PTPN1: variants seen among roughly 807,000 people sequenced by gnomAD.
PTPN1 encodes the protein tyrosine-protein phosphatase non-receptor type 1.
A neutral mutation model predicts 59.9 loss-of-function variants in PTPN1; 12 were observed. The ratio of observed to expected loss-of-function variants is 0.20; its 90% CI spans 0.13 to 0.32. The LOEUF is 0.32. PTPN1 is among the 10% of genes least tolerant of loss of function. PTPN1 has a pLI of 1.00. For missense variants in PTPN1, 356 were observed against 549.2 expected (o/e 0.65, Z 3.52); for synonymous variants, 178 against 203.6 (o/e 0.87, Z 1.07).
intron 1 of PTPN1, among the ~76,000 whole-genome samples, chr20:50,551,998 A>G (rs895887832): frequency 6.6e-6 from 1 of 152,258 alleles, no homozygotes; most frequent in Non-Finnish European, 1.5e-5. Context: ...GCATAATAAA[A>G]GATCTTCTAG....
chr20:50,547,211 T>C (rs1454573234), intron 1 of PTPN1, among the ~76,000 whole-genome samples: 2 of 152,152 alleles, frequency 1.3e-5, no homozygotes, highest in Non-Finnish European at 2.9e-5. Flanking sequence ...AGATTTAAAG[T>C]CGGGACACTT....
At chr20:50,542,572 G>T (rs1237594110) in intron 1 of PTPN1, among the ~76,000 whole-genome samples, 1 of 152,120 alleles carries the variant, frequency 6.6e-6, no homozygotes, top group Non-Finnish European at 1.5e-5. Context: ...GTCTTTAAAG[G>T]ATATTATCTC....
chr20:50,511,131 C>T (rs973101917), intron 1 of PTPN1, among the ~76,000 whole-genome samples: 1 of 152,180 alleles, frequency 6.6e-6, no homozygotes, highest in Admixed American at 6.5e-5. Context: ...AGTTGGCAAG[C>T]TTATTCTGTG....
intron 1 of PTPN1, among the ~76,000 whole-genome samples, chr20:50,537,497 A>G (rs1459945790): frequency 6.6e-6 from 1 of 152,126 alleles, no homozygotes; most frequent in East Asian, 1.9e-4. Flanking sequence ...ATATTTCCCC[A>G]GTGTTACTCG....
In PTPN1 at chr20:50,510,460, G is replaced by T; in HGVS notation, c.-68G>T. The T allele has an allele frequency of 6.6e-7, 1 of 1,520,372 alleles. No homozygotes were observed. The highest frequency in any genetic ancestry group is 8.9e-7 in the Non-Finnish European group (1 of 1,126,396). The allele number at this position is 1,520,372 out of a possible 1,614,324, so 94.2% of individuals were successfully genotyped here. A position where few individuals can be genotyped will look rare whatever the true frequency, so the allele number is the denominator to read the frequency against. ...CAGCGGGCCTCGGGGCTAAGAGCGC[G>T]ACGCGGCCTAGAGCGGCAGACGGCG... On this transcript the variant is annotated 5_prime_UTR_variant, in exon 1 of 10. Transcript: ENST00000371621.
At position 50,569,511 on chromosome 20, in the gene PTPN1, C is replaced by CCTGTGTAGACTGTCCTGTGTAGATTGT. The variant is rs1183810308; in HGVS notation, c.354+1084_354+1110dup. ...GCAGCCGGCCTCCTGTGTAGACTGT[C>CCTGTGTAGACTGTCCTGTGTAGATTGT]CTGTGTAGACTGTCCTGTGTAGATT... is the stretch of plus-strand genomic sequence containing the variant. On this transcript the variant is annotated intron_variant, in intron 4 of 9. Transcript: ENST00000371621. Among the ~76,000 whole-genome samples the CCTGTGTAGACTGTCCTGTGTAGATTGT allele has an allele frequency of 5.6e-3, 840 of 149,766 alleles. 29 individuals carry two copies. Among genetic ancestry groups the CCTGTGTAGACTGTCCTGTGTAGATTGT allele is most frequent in the Middle Eastern group, 0.017 (5 of 286 alleles).
At chr20:50,516,792 A>T (rs1255252652) in intron 1 of PTPN1, among the ~76,000 whole-genome samples, 1 of 152,196 alleles carries the variant, frequency 6.6e-6, no homozygotes, top group Non-Finnish European at 1.5e-5. Context: ...GATTCTTGAG[A>T]ATTTACGAAA....
At chr20:50,520,184 C>G (rs2082544911) in intron 1 of PTPN1, among the ~76,000 whole-genome samples, 1 of 151,968 alleles carries the variant, frequency 6.6e-6, no homozygotes, top group Non-Finnish European at 1.5e-5. Flanking sequence ...CCAGCCTGAC[C>G]AACATGGTGA....
At chr20:50,526,762 A>G (rs1419484218) in intron 1 of PTPN1, among the ~76,000 whole-genome samples, 1 of 151,804 alleles carries the variant, frequency 6.6e-6, no homozygotes, top group Admixed American at 6.6e-5. Flanking sequence ...CTCCTTATGC[A>G]TCTGAGACTG....
chr20:50,579,901 A>C lies in PTPN1; in HGVS notation c.1063A>C (p.Asn355His), dbSNP rs751365357. The C allele has an allele frequency of 1.9e-6, 3 of 1,614,036 alleles. No individual in the cohort carries two copies. In the South Asian group the frequency reaches 3.3e-5, roughly 18 times the overall value. ...CAAGGAAGAAAAAGGAAGCCCCTTAAATGCCGCACCCTACGGCATCGAAAG... is the reference window on the plus strand; with the variant it reads ...CAAGGAAGAAAAAGGAAGCCCCTTACATGCCGCACCCTACGGCATCGAAAG... ...PIKEEKGSPL[N>H]AAPYGIESMS... The change falls in exon 8 of 10, where the codon AAT becomes CAT. Residue 355 changes from asparagine to histidine, a missense_variant. Transcript: ENST00000371621.
At position 50,582,640 on chromosome 20, in the gene PTPN1, A is replaced by C; in HGVS notation, c.1285-52A>C. On this transcript the variant is annotated intron_variant, in intron 9 of 9. Coordinates refer to ENST00000371621, the MANE Select transcript of PTPN1 (RefSeq NM_002827.4). The surrounding 1 kb of genome is among the most constrained non-coding windows in gnomAD (Gnocchi z 4.2). ...TGGCCGGGGTCATGCATGAGGCGAC[A>C]GCTCTGCAGGTGCGGGTCTGGGCTC... 3 of 1,604,460 alleles carry C rather than the reference A, an allele frequency of 1.9e-6. No homozygotes were observed. The highest frequency in any genetic ancestry group is 2.2e-5 in the East Asian group (1 of 44,706).
chr20:50,535,366 G>A (rs1363114844), intron 1 of PTPN1, among the ~76,000 whole-genome samples: 2 of 152,096 alleles, frequency 1.3e-5, no homozygotes, highest in South Asian at 2.1e-4. Context: ...TTCTGCCTGC[G>A]GAGCCACCCA....
At chr20:50,575,280 C>T (rs1475728902) in intron 5 of PTPN1, among the ~76,000 whole-genome samples, 2 of 152,140 alleles carry the variant, frequency 1.3e-5, no homozygotes, top group African/African-American at 4.8e-5. Context: ...GGAGGGAGTG[C>T]GCGGCAGCAC....
At chr20:50,578,276 G>C in intron 5 of PTPN1, 144 bp from the exon 6 acceptor site, 1 of 765,458 alleles carries the variant, frequency 1.3e-6, no homozygotes, top group Admixed American at 2.2e-5. Context: ...TTGTTGACTG[G>C]GTGTGTGGAC....
At chr20:50,572,225 A>G (rs1263304326) in intron 4 of PTPN1, 1 of 152,238 alleles carries the variant, frequency 6.6e-6, no homozygotes, top group Non-Finnish European at 1.5e-5. Context: ...ATAGGACTCA[A>G]TTTGAGGCCT....
At chr20:50,569,663 G>C (rs1027990274) in intron 4 of PTPN1, among the ~76,000 whole-genome samples, 1 of 151,022 alleles carries the variant, frequency 6.6e-6, no homozygotes, top group Non-Finnish European at 1.5e-5. Flanking sequence ...TAGATTGTCT[G>C]TGTAGACTGT....
chr20:50,541,850 A>G (rs549599219), intron 1 of PTPN1, among the ~76,000 whole-genome samples: 188 of 152,304 alleles, frequency 1.2e-3, no homozygotes, highest in African/African-American at 4.3e-3. Flanking sequence ...AAGGAGAGGT[A>G]GCAGGTCAGT....
At chr20:50,537,280 A>G (rs2082628125) in intron 1 of PTPN1, among the ~76,000 whole-genome samples, 1 of 152,136 alleles carries the variant, frequency 6.6e-6, no homozygotes, top group South Asian at 2.1e-4. Flanking sequence ...CCGAGATGGT[A>G]CCATTCCACT....
At chr20:50,539,610 C>G (rs1393798020) in intron 1 of PTPN1, among the ~76,000 whole-genome samples, 1 of 130,582 alleles carries the variant, frequency 7.7e-6, no homozygotes, top group Non-Finnish European at 1.7e-5. Flanking sequence ...GGTTTTTTGT[C>G]TATGTGCCCA....
Sources: allele counts gnomAD v4.1 joint callset (sites outside exome capture counted in the v4.1 genomes callset), GRCh38; gene constraint gnomAD v4.1.1; non-coding constraint Gnocchi (gnomAD v3.1); transcripts MANE v1.5; gene names NCBI Gene and HGNC (gene_info 2026-07-23, HGNC 2026-07-21).